ERBB4: variants seen among roughly 807,000 people sequenced by gnomAD.
ERBB4 encodes the protein receptor tyrosine-protein kinase erbB-4.
Under a neutral mutation model 158.0 loss-of-function variants are expected in ERBB4, and 42 were observed. That is an observed-to-expected ratio of 0.27 (90% CI 0.21 to 0.34). The LOEUF is 0.34. Ranked by LOEUF, ERBB4 falls within the 10% of genes least tolerant of loss-of-function variation. ERBB4 has a pLI of 1.00. For missense variants in ERBB4, 1,333 were observed against 1,624.1 expected (o/e 0.82, Z 3.08); for synonymous variants, 583 against 558.7 (o/e 1.04, Z -0.61).
At chr2:212,040,732 T>G (rs1197174443) in intron 2 of ERBB4, among the ~76,000 whole-genome samples, 3 of 152,050 alleles carry the variant, frequency 2.0e-5, no homozygotes, top group African/African-American at 4.8e-5. Flanking sequence ...AACTTCTGAT[T>G]TTGGCCTTCA....
intron 3 of ERBB4, among the ~76,000 whole-genome samples, chr2:211,852,527 C>T (rs975355376): frequency 1.3e-5 from 2 of 151,878 alleles, no homozygotes; most frequent in Non-Finnish European, 2.9e-5. Flanking sequence ...AAATGACATA[C>T]AGCAGGTCCT....
intron 2 of ERBB4, among the ~76,000 whole-genome samples, chr2:211,977,519 A>T (rs1427947037): frequency 1.6e-5 from 1 of 61,792 alleles, no homozygotes; most frequent in African/African-American, 4.9e-5. Context: ...TACTTTGTTA[A>T]GATATTGACT....
intron 4 of ERBB4, among the ~76,000 whole-genome samples, chr2:211,773,317 C>T (rs1430147338): frequency 6.6e-6 from 1 of 150,968 alleles, no homozygotes; most frequent in Non-Finnish European, 1.5e-5. Context: ...ACTGTTGAGA[C>T]TAATATTGTA....
At chr2:212,443,289 C>T (rs976974072) in intron 1 of ERBB4, among the ~76,000 whole-genome samples, 3 of 152,222 alleles carry the variant, frequency 2.0e-5, no homozygotes, top group African/African-American at 7.2e-5. Context: ...TGACATTATG[C>T]TGATTAGATC....
chr2:212,263,499 A>G (rs930760411), intron 1 of ERBB4, among the ~76,000 whole-genome samples: 1 of 152,134 alleles, frequency 6.6e-6, no homozygotes, highest in African/African-American at 2.4e-5. Flanking sequence ...TCTATGCACC[A>G]AATTGCGTTT....
At chr2:211,759,052 C>T (rs2075348800) in intron 4 of ERBB4, among the ~76,000 whole-genome samples, 1 of 152,166 alleles carries the variant, frequency 6.6e-6, no homozygotes, top group Non-Finnish European at 1.5e-5. Context: ...TATTCCTGTA[C>T]AGTCTTCCCC....
chr2:212,324,484 TG>T (rs372904617), intron 1 of ERBB4, among the ~76,000 whole-genome samples: 84,164 of 142,458 alleles, frequency 0.59, 27,307 homozygotes, highest in East Asian at 0.72. Flanking sequence ...TTTTTGTTTT[TG>T]TTTTTTTTTC....
chr2:212,538,603 G>A lies in ERBB4; in HGVS notation c.-73C>T. 1 of 1,475,822 alleles carries A rather than the reference G, an allele frequency of 6.8e-7. No individual in the cohort carries two copies. Among genetic ancestry groups the A allele is most frequent in the Non-Finnish European group, 9.5e-7 (1 of 1,054,956 alleles). The allele number at this position is 1,475,822 out of a possible 1,614,324, so 91.4% of individuals were successfully genotyped here. A position where few individuals can be genotyped will look rare whatever the true frequency, so the allele number is the denominator to read the frequency against. On this transcript the variant is annotated 5_prime_UTR_variant, in exon 1 of 28. Coordinates refer to ENST00000342788, the MANE Select transcript of ERBB4 (RefSeq NM_005235.3). ...CATATCCCCCTTTCGGGCACGCGGA[G>A]GAGATCCCCCAGCCGGGCGCGCGTG...
intron 1 of ERBB4, among the ~76,000 whole-genome samples, chr2:212,267,981 A>C (rs1459952100): frequency 6.6e-6 from 1 of 151,932 alleles, no homozygotes; most frequent in Non-Finnish European, 1.5e-5. Flanking sequence ...TACAATATCT[A>C]CATATCAACA....
chr2:211,566,476 G>A (rs1022307047), intron 19 of ERBB4, among the ~76,000 whole-genome samples: 5 of 152,176 alleles, frequency 3.3e-5, no homozygotes, highest in South Asian at 2.1e-4. Context: ...ATGTGGCCTC[G>A]TCTGGATTCA....
In ERBB4 at chr2:211,747,902, T is replaced by C. The variant is rs575189006; in HGVS notation, c.622+2737A>G. Among the ~76,000 whole-genome samples, 11 of 152,042 alleles carry C rather than the reference T, an allele frequency of 7.2e-5. No individual in the cohort carries two copies. In the South Asian group the frequency reaches 2.3e-3, roughly 32 times the overall value. ...GGACCCCCATAAATACCAAACTCCA[T>C]AGATGTTCACTTCCCTTATATGAAA... is the stretch of plus-strand genomic sequence containing the variant. On this transcript the variant is annotated intron_variant, in intron 5 of 27. Coordinates refer to ENST00000342788, the MANE Select transcript of ERBB4 (RefSeq NM_005235.3).
chr2:212,395,001 T>C (rs2090982669), intron 1 of ERBB4, among the ~76,000 whole-genome samples: 1 of 152,148 alleles, frequency 6.6e-6, no homozygotes, highest in African/African-American at 2.4e-5. Flanking sequence ...ATAATATGAA[T>C]ACATTAGTAA....
chr2:212,118,986 T>C (rs1245579855), intron 2 of ERBB4, among the ~76,000 whole-genome samples: 2 of 151,986 alleles, frequency 1.3e-5, no homozygotes, highest in Non-Finnish European at 2.9e-5. Context: ...GGCATCTTTA[T>C]ATATTACTTT....
chr2:211,917,166 T>C (rs2079718248), intron 3 of ERBB4, among the ~76,000 whole-genome samples: 1 of 152,160 alleles, frequency 6.6e-6, no homozygotes, highest in South Asian at 2.1e-4. Context: ...TGTTCTCAGA[T>C]GGTTTGCTGC....
intron 2 of ERBB4, among the ~76,000 whole-genome samples, chr2:211,949,895 A>C (rs2080828057): frequency 6.6e-6 from 1 of 152,118 alleles, no homozygotes; most frequent in Admixed American, 6.6e-5. Flanking sequence ...TCATTCATAC[A>C]TTTATCAGAT....
chr2:211,593,696 A>G (rs2068543416), intron 19 of ERBB4, among the ~76,000 whole-genome samples: 1 of 152,188 alleles, frequency 6.6e-6, no homozygotes, highest in Non-Finnish European at 1.5e-5. Context: ...TTACATAGTT[A>G]ATGTTGACCA....
intron 1 of ERBB4, among the ~76,000 whole-genome samples, chr2:212,208,963 C>T (rs2082849088): frequency 6.6e-6 from 1 of 152,084 alleles, no homozygotes; most frequent in Non-Finnish European, 1.5e-5. Context: ...GAGAAAAATG[C>T]TCTCCCGATT....
At chr2:211,422,128 G>A (rs1379093496) in intron 23 of ERBB4, 24 bp from the exon 24 acceptor site, 12 of 1,415,716 alleles carry the variant, frequency 8.5e-6, no homozygotes, top group African/African-American at 4.2e-5. Flanking sequence ...CAGTGAAAAT[G>A]TCACTATATT....
At chr2:212,378,420 A>C (rs1448958355) in intron 1 of ERBB4, among the ~76,000 whole-genome samples, 1 of 151,902 alleles carries the variant, frequency 6.6e-6, no homozygotes. Flanking sequence ...CACTATCAGG[A>C]AACACTGAGA....
Sources: allele counts gnomAD v4.1 joint callset (sites outside exome capture counted in the v4.1 genomes callset), GRCh38; gene constraint gnomAD v4.1.1; transcripts MANE v1.5; gene names NCBI Gene and HGNC (gene_info 2026-07-23, HGNC 2026-07-21).